The following ADAMTS20 variants were observed in gnomAD, a reference collection of about 807,000 sequenced individuals.
ADAMTS20 encodes ADAM metallopeptidase with thrombospondin type 1 motif 20.
In ADAMTS20, 225 loss-of-function variants were observed where a neutral mutation model predicts 260.1. The ratio of observed to expected loss-of-function variants is 0.87; its 90% CI spans 0.78 to 0.97. The LOEUF is 0.97. Ranked by LOEUF, ADAMTS20 falls within the 50% of genes least tolerant of loss-of-function variation. ADAMTS20 has a pLI of 0.00. For synonymous variants in ADAMTS20, 802 were observed against 769.5 expected, an observed-to-expected ratio of 1.04 and a Z score of -0.70; for missense variants, 2,400 against 2,337.7, an observed-to-expected ratio of 1.03 and a Z score of -0.55.
intron 3 of ADAMTS20, among the ~76,000 whole-genome samples, chr12:43,516,011 C>G (rs753714198): frequency 4.9e-4 from 75 of 152,218 alleles, no homozygotes; most frequent in Middle Eastern, 6.8e-3. Flanking sequence ...ACTGACAGGT[C>G]AGAGTGGGTA....
At chr12:43,422,653 T>C (rs996120201) in intron 28 of ADAMTS20, among the ~76,000 whole-genome samples, 10 of 152,176 alleles carry the variant, frequency 6.6e-5, no homozygotes, top group African/African-American at 2.4e-4. Context: ...CTTCAATACA[T>C]TCAACTTATC....
At chr12:43,544,474 G>T (rs1367501086) in intron 2 of ADAMTS20, among the ~76,000 whole-genome samples, 1 of 152,104 alleles carries the variant, frequency 6.6e-6, no homozygotes, top group Non-Finnish European at 1.5e-5. Flanking sequence ...AAATGAAATA[G>T]AAATGCAGAC....
chr12:43,412,848 G>A (rs1022164035), intron 28 of ADAMTS20, among the ~76,000 whole-genome samples: 1 of 112,614 alleles, frequency 8.9e-6, no homozygotes, highest in Non-Finnish European at 1.7e-5. Context: ...GTCTGGCTCT[G>A]TCGCCCAGGC....
rs374799653 is a variant in ADAMTS20 at position 43,432,555 on chromosome 12, TAGAA to T, written c.2931+42_2931+45del. The T allele has an allele frequency of 2.1e-3, 3,369 of 1,605,126 alleles. 47 individuals are homozygous for T. In the African/African-American group the frequency reaches 0.033, roughly 16 times the overall value. ...CTTCAGAGTAACATAAATACGTAAT[TAGAA>T]AGAAAGGGGCAACTTTTTTTAAGCA... On this transcript the variant is annotated intron_variant, in intron 20 of 38. Transcript: ENST00000389420.
At chr12:43,395,399 T>C (rs1214505098) in intron 29 of ADAMTS20, among the ~76,000 whole-genome samples, 2 of 152,304 alleles carry the variant, frequency 1.3e-5, no homozygotes, top group East Asian at 3.9e-4. Context: ...TACTTATGTA[T>C]TTTTGAAATA....
At chr12:43,461,675 A>G (rs944534404) in intron 11 of ADAMTS20, among the ~76,000 whole-genome samples, 2 of 152,142 alleles carry the variant, frequency 1.3e-5, no homozygotes, top group African/African-American at 4.8e-5. Flanking sequence ...CCCAGCATTC[A>G]TACTTCAAAA....
At chr12:43,435,393 C>T (rs974475298) in intron 18 of ADAMTS20, among the ~76,000 whole-genome samples, 2 of 152,002 alleles carry the variant, frequency 1.3e-5, no homozygotes, top group African/African-American at 2.4e-5. Context: ...GTAATCTCAG[C>T]ACTTTGGGAA....
At chr12:43,360,038 A>C (rs1191143573) in intron 37 of ADAMTS20, among the ~76,000 whole-genome samples, 1 of 152,216 alleles carries the variant, frequency 6.6e-6, no homozygotes, top group East Asian at 1.9e-4. Flanking sequence ...AAGAAAGAAA[A>C]GACAAGGTTC....
chr12:43,395,496 T>G (rs1418601619), intron 29 of ADAMTS20, among the ~76,000 whole-genome samples: 6 of 151,886 alleles, frequency 4.0e-5, no homozygotes, highest in African/African-American at 1.5e-4. Flanking sequence ...TTTTTCCAAA[T>G]TAGGGGCTTT....
chr12:43,375,433 C>A lies in ADAMTS20; in HGVS notation c.5392G>T (p.Gly1798Ter). Residue 1798 changes from glycine (G) to a stop codon, truncating the protein, a stop_gained, in exon 36 of 39, where the codon GGA (glycine) becomes TGA (stop). Coordinates refer to ENST00000389420, the MANE Select transcript of ADAMTS20 (RefSeq NM_025003.5). LOFTEE classifies it high-confidence loss of function. ...CTTATTTTGCTGAAAACAGTGTATC[C>A]AGCAGCTAAGTGTCCATTGTCACAT... Reference protein sequence around the residue: ...CECDNGHLAAGYTVFSKIRID... With the variant: ...CECDNGHLAA 2 of 1,613,616 alleles carry A rather than the reference C, an allele frequency of 1.2e-6. No homozygotes were observed. Among genetic ancestry groups the A allele is most frequent in the Non-Finnish European group, 1.7e-6 (2 of 1,179,704 alleles).
rs535700612 is a variant in ADAMTS20, at chr12:43,375,304, A to G, written c.5446+75T>C. The G allele has an allele frequency of 3.3e-4, 490 of 1,506,770 alleles. 1 individual carries two copies. In the African/African-American group the frequency reaches 6.1e-3, roughly 19 times the overall value. The allele number at this position is 1,506,770 out of a possible 1,614,324, so 93.3% of individuals were successfully genotyped here. Reference sequence around the variant, plus strand: ...TCCTTCTCTGTACCCTGGCTACAACATATACCAACATATTGTTTGACGTTC... The same window carrying G: ...TCCTTCTCTGTACCCTGGCTACAACGTATACCAACATATTGTTTGACGTTC... On this transcript the variant is annotated intron_variant, in intron 36 of 38. Coordinates refer to ENST00000389420, the MANE Select transcript of ADAMTS20 (RefSeq NM_025003.5).
In ADAMTS20 at chr12:43,428,392, G is replaced by A. The variant is rs1318830662; in HGVS notation, c.3794C>T (p.Pro1265Leu). 1.2e-6 allele frequency: 2 copies of A among 1,613,832 alleles called. No homozygotes were observed. Among genetic ancestry groups the A allele is most frequent in the Admixed American group, 3.3e-5 (2 of 59,978 alleles). The change falls in exon 26 of 39, where the codon CCT (proline) becomes CTT (leucine). Residue 1265 changes from proline to leucine, a missense_variant. Pro to Leu is a moderately conservative substitution (Grantham distance 98, BLOSUM62 -3). Transcript: ENST00000389420. The stretch of plus-strand genomic sequence containing the variant: ...GGAACTAGGAAAGTGGCTGTGTGCA[G>A]GAGGGCAGGCTGCCAGGCTACATTC... ...EQECSLAACP[P>L]AHSHFPSSPV...
Position 43,502,287 on chromosome 12 carries a change from A to T in ADAMTS20, c.732T>A (p.Asp244Glu). Residue 244 changes from aspartate to glutamate, a missense_variant, in exon 4 of 39, where the codon GAT (aspartate) becomes GAA (glutamate). Transcript: ENST00000389420. ...GHTSKNVPLK[D>E]ERRHSRKKRL... ...GTTTTTTCCTGGAATGTCTTCTTTCATCTTTCAATGGTACATTTTTTGATG... is the reference window on the plus strand; with the variant it reads ...GTTTTTTCCTGGAATGTCTTCTTTCTTCTTTCAATGGTACATTTTTTGATG... 6.2e-7 allele frequency: 1 copy of T among 1,612,066 alleles called. No homozygotes were observed. The highest frequency in any genetic ancestry group is 8.5e-7 in the Non-Finnish European group (1 of 1,179,282).
chr12:43,434,707 T>C (rs1941515913), intron 18 of ADAMTS20, among the ~76,000 whole-genome samples: 1 of 152,206 alleles, frequency 6.6e-6, no homozygotes, highest in African/African-American at 2.4e-5. Context: ...CAGTACACTA[T>C]ATTACTGTCA....
chr12:43,455,619 T>G (rs1443054635), intron 11 of ADAMTS20, among the ~76,000 whole-genome samples: 8 of 152,148 alleles, frequency 5.3e-5, no homozygotes, highest in Non-Finnish European at 2.9e-5. Flanking sequence ...CAATATGAGT[T>G]TGGGAGGGGG....
intron 3 of ADAMTS20, among the ~76,000 whole-genome samples, chr12:43,528,400 C>T (rs1189112316): frequency 8.4e-6 from 1 of 119,670 alleles, no homozygotes; most frequent in Non-Finnish European, 1.7e-5. Flanking sequence ...AATATATACC[C>T]AACTTCCAAT....
intron 2 of ADAMTS20, among the ~76,000 whole-genome samples, chr12:43,544,396 G>A (rs921300731): frequency 6.6e-5 from 10 of 152,178 alleles, no homozygotes; most frequent in African/African-American, 1.9e-4. Context: ...TGCTCAACAT[G>A]TGTTGAGCAA....
intron 27 of ADAMTS20, 63 bp downstream of exon 27, chr12:43,427,245 C>G: frequency 6.5e-7 from 1 of 1,545,590 alleles, no homozygotes; most frequent in Non-Finnish European, 8.8e-7. Flanking sequence ...GTATAAGATG[C>G]TTTTTACTTT....
chr12:43,375,750 A>G (rs529073747), intron 35 of ADAMTS20, among the ~76,000 whole-genome samples: 6 of 152,318 alleles, frequency 3.9e-5, no homozygotes, highest in South Asian at 2.1e-4. Context: ...GATTACTGGA[A>G]TTAGTTTGAC....
Sources: gnomAD v4.1 joint callset for allele counts (sites outside exome capture counted in the v4.1 genomes callset) on GRCh38, gnomAD v4.1.1 for gene constraint, MANE v1.5 for transcripts, NCBI Gene and HGNC (gene_info 2026-07-23, HGNC 2026-07-21) for gene names.